The following ATP10B variants were observed in gnomAD, a reference collection of about 807,000 sequenced individuals.
ATP10B encodes ATPase phospholipid transporting 10B (putative).
ATP10B carries 122 observed loss-of-function variants against 141.2 expected under a neutral mutation model. The ratio of observed to expected loss-of-function variants is 0.86; its 90% CI spans 0.75 to 1.00. The LOEUF is 1.00. ATP10B is among the 50% of genes least tolerant of loss of function. The probability of loss-of-function intolerance (pLI) is 0.00; values close to 1 mark genes in which losing one functional copy is unlikely to be tolerated. For synonymous variants in ATP10B, 685 were observed against 692.0 expected (o/e 0.99, Z 0.16); for missense variants, 1,876 against 1,825.3 (o/e 1.03, Z -0.51).
the ATP10B span, among the ~76,000 whole-genome samples, chr5:160,872,419 T>C: frequency 6.6e-6 from 1 of 152,198 alleles, no homozygotes; most frequent in Non-Finnish European, 1.5e-5. Context: ...TTATTGTATT[T>C]GCTTTTGGGT....
intron 5 of ATP10B, among the ~76,000 whole-genome samples, chr5:160,687,252 A>G (rs768873351): frequency 6.6e-6 from 1 of 152,246 alleles, no homozygotes; most frequent in Non-Finnish European, 1.5e-5. Flanking sequence ...TAGACAATAT[A>G]TTCAATAAGG....
At chr5:160,874,474 T>C in the ATP10B span, among the ~76,000 whole-genome samples, 46 of 151,780 alleles carry the variant, frequency 3.0e-4, no homozygotes, top group Non-Finnish European at 1.0e-4. Context: ...AAACGCAGAG[T>C]GCCTCTCCTC....
intron 1 of ATP10B, among the ~76,000 whole-genome samples, chr5:160,828,639 G>C (rs537188288): frequency 1.3e-5 from 2 of 151,584 alleles, no homozygotes; most frequent in African/African-American, 4.9e-5. Flanking sequence ...CATTGTGGAA[G>C]TCAGTGTGGC....
intron 18 of ATP10B, among the ~76,000 whole-genome samples, chr5:160,607,706 C>T (rs757195193): frequency 4.6e-5 from 7 of 152,116 alleles, no homozygotes; most frequent in African/African-American, 9.7e-5. Context: ...TTGGTTTGAA[C>T]GGACTACGGT....
the ATP10B span, among the ~76,000 whole-genome samples, chr5:160,869,843 C>T: frequency 6.6e-6 from 1 of 152,152 alleles, no homozygotes; most frequent in East Asian, 1.9e-4. Context: ...CAGAAGGACC[C>T]TGTCATGAGG....
intron 1 of ATP10B, among the ~76,000 whole-genome samples, chr5:160,817,386 G>T (rs1414489283): frequency 6.6e-6 from 1 of 152,102 alleles, no homozygotes; most frequent in African/African-American, 2.4e-5. Context: ...AATCATGAGT[G>T]AACTCCCATT....
At chr5:160,907,754 C>T in the ATP10B span, among the ~76,000 whole-genome samples, 1 of 152,286 alleles carries the variant, frequency 6.6e-6, no homozygotes, top group South Asian at 2.1e-4. Flanking sequence ...AGTGACCTCT[C>T]CAATGTCAGC....
intron 2 of ATP10B, among the ~76,000 whole-genome samples, chr5:160,753,289 C>G (rs145676431): frequency 6.6e-6 from 1 of 152,164 alleles, no homozygotes; most frequent in East Asian, 1.9e-4. Context: ...TCCCTAGCCT[C>G]GATGTTGCTC....
Position 160,603,975 on chromosome 5 carries a change from T to C in ATP10B, c.3227A>G (p.Glu1076Gly). Residue 1076 changes from glutamate to glycine, a missense_variant, in exon 20 of 26, where the codon GAA (glutamate) becomes GGA (glycine). Glu to Gly is a moderately conservative substitution (Grantham distance 98, BLOSUM62 -2). Coordinates refer to ENST00000327245, the MANE Select transcript of ATP10B (RefSeq NM_025153.3). ...TGCAGAGAACAATACCTGCATGCCT[T>C]CCTGTCCAGATATTCCAATTCCAAT... Reference protein sequence around the residue: ...ADIGIGISGQEGMQAVMSSDF... With the variant: ...ADIGIGISGQGGMQAVMSSDF... 1 of 1,613,458 alleles carries C rather than the reference T, an allele frequency of 6.2e-7. No homozygotes were observed. Among genetic ancestry groups the C allele is most frequent in the Non-Finnish European group, 8.5e-7 (1 of 1,179,534 alleles).
intron 22 of ATP10B, 64 bp from the exon 23 acceptor site, chr5:160,591,203 A>G: frequency 7.1e-7 from 1 of 1,409,192 alleles, no homozygotes; most frequent in Non-Finnish European, 9.8e-7. Context: ...TTTGCAAGCA[A>G]CTTTCTTGCA....
rs1056632958 is a variant in ATP10B at position 160,726,104 on chromosome 5, C to T, written c.-330-9070G>A. Among the ~76,000 whole-genome samples the T allele has an allele frequency of 9.2e-5, 14 of 152,192 alleles. 1 individual carries two copies. Among genetic ancestry groups the T allele is most frequent in the African/African-American group, 2.9e-4 (12 of 41,538 alleles). On this transcript the variant is annotated intron_variant, in intron 2 of 25. Coordinates refer to ENST00000327245, the MANE Select transcript of ATP10B (RefSeq NM_025153.3). ...ATCAGGAAAGCCACTGAGAGACGCG[C>T]GAGCCTAACTCAGGGTGGTGCAAGT...
chr5:160,918,692 G>C, the ATP10B span, among the ~76,000 whole-genome samples: 1 of 152,148 alleles, frequency 6.6e-6, no homozygotes, highest in Non-Finnish European at 1.5e-5. Context: ...AGGTTGGGTT[G>C]GATCATCACG....
At chr5:160,715,707 T>TATTTA (rs1453502578) in intron 3 of ATP10B, among the ~76,000 whole-genome samples, 6 of 150,734 alleles carry the variant, frequency 4.0e-5, no homozygotes, top group African/African-American at 1.5e-4. Context: ...TTTATTTATT[T>TATTTA]ATTTATTTAT....
chr5:160,603,099 C>T (rs73304686), intron 20 of ATP10B: 1,885 of 174,084 alleles, frequency 0.011, 37 homozygotes, highest in African/African-American at 0.042. Flanking sequence ...GCCATTGGCT[C>T]CATTCACAGA....
At chr5:160,661,483 A>G (rs970023241) in intron 7 of ATP10B, among the ~76,000 whole-genome samples, 7 of 152,242 alleles carry the variant, frequency 4.6e-5, no homozygotes, top group Non-Finnish European at 1.0e-4. Context: ...CAGAGATAGT[A>G]AAATATTTAC....
chr5:160,637,983 AG>A (rs1759542706), intron 10 of ATP10B, among the ~76,000 whole-genome samples: 1 of 152,248 alleles, frequency 6.6e-6, no homozygotes, highest in Non-Finnish European at 1.5e-5. Flanking sequence ...AAGCCCGAGA[AG>A]GCTGAATGGA....
chr5:160,568,123 G>C (rs2127592831), intron 25 of ATP10B, among the ~76,000 whole-genome samples: 1 of 152,250 alleles, frequency 6.6e-6, no homozygotes, highest in African/African-American at 2.4e-5. Context: ...CGGTGATAGA[G>C]GGTGGAATGA....
At chr5:160,690,251 C>A (rs1763998940) in intron 3 of ATP10B, among the ~76,000 whole-genome samples, 1 of 152,148 alleles carries the variant, frequency 6.6e-6, no homozygotes. Flanking sequence ...ACCATAAAAA[C>A]CCTAGAAGAA....
At chr5:160,737,855 C>G (rs575835087) in intron 2 of ATP10B, among the ~76,000 whole-genome samples, 1 of 152,048 alleles carries the variant, frequency 6.6e-6, no homozygotes, top group East Asian at 1.9e-4. Flanking sequence ...GAAAGACAAT[C>G]CCAGAATTAT....
Sources: allele counts gnomAD v4.1 joint callset (sites outside exome capture counted in the v4.1 genomes callset), GRCh38; gene constraint gnomAD v4.1.1; transcripts MANE v1.5; gene names NCBI Gene and HGNC (gene_info 2026-07-23, HGNC 2026-07-21).